The following TRHDE variants were observed in gnomAD, a reference collection of about 807,000 sequenced individuals.
TRHDE encodes thyrotropin releasing hormone degrading enzyme.
Under a neutral mutation model 125.7 loss-of-function variants are expected in TRHDE, and 72 were observed. The observed-to-expected ratio is 0.57, with a 90% confidence interval of 0.47 to 0.70. The LOEUF (loss-of-function observed/expected upper bound fraction) is 0.70. TRHDE is among the 30% of genes least tolerant of loss of function. The pLI is 0.00. For missense variants in TRHDE, 1,110 were observed against 1,327.1 expected (o/e 0.84, Z 2.54); for synonymous variants, 509 against 509.1 (o/e 1.00, Z 0.00).
chr12:72,453,760 G>A (rs1875697969), intron 3 of TRHDE, among the ~76,000 whole-genome samples: 1 of 152,174 alleles, frequency 6.6e-6, no homozygotes. Context: ...TTGGGACACT[G>A]CTTCCTGCAT....
chr12:72,376,599 T>C (rs965329527), intron 2 of TRHDE, among the ~76,000 whole-genome samples: 1 of 152,196 alleles, frequency 6.6e-6, no homozygotes, highest in Non-Finnish European at 1.5e-5. Context: ...TAGAATTTAG[T>C]AAATAACTTA....
chr12:72,472,969 CAGTTATAATAATCAT>C, intron 4 of TRHDE, 83 bp from the exon 5 acceptor site: 3 of 938,236 alleles, frequency 3.2e-6, no homozygotes, highest in African/African-American at 1.7e-5. Flanking sequence ...GAATGAATTC[CAGTTATAATAATCAT>C]AGTTTAATAC....
rs141366738 is a variant in TRHDE, at chr12:72,664,758, A to T, written c.*1563A>T. Reference sequence around the variant, plus strand: ...AAAGAAATATATTCTAACAGTACGCACTGAATAGTGAAAATAATTAGACAT... The same window carrying T: ...AAAGAAATATATTCTAACAGTACGCTCTGAATAGTGAAAATAATTAGACAT... On this transcript the variant is annotated 3_prime_UTR_variant, in exon 19 of 19. Coordinates refer to ENST00000261180, the MANE Select transcript of TRHDE (RefSeq NM_013381.3). 6.6e-6 allele frequency: 1 copy of T among 152,118 alleles called. No individual in the cohort carries two copies. The highest frequency in any genetic ancestry group is 1.5e-5 in the Non-Finnish European group (1 of 67,998). The allele number at this position is 152,118 out of a possible 1,614,324, so 9.4% of individuals were successfully genotyped here.
At chr12:72,299,039 A>G (rs2135683652) in intron 2 of TRHDE, among the ~76,000 whole-genome samples, 1 of 152,304 alleles carries the variant, frequency 6.6e-6, no homozygotes, top group East Asian at 1.9e-4. Flanking sequence ...AGAAGAAATG[A>G]TAAGACAAAA....
At chr12:72,545,403 T>TC (rs1869368960) in intron 7 of TRHDE, among the ~76,000 whole-genome samples, 1 of 151,554 alleles carries the variant, frequency 6.6e-6, no homozygotes, top group African/African-American at 2.4e-5. Context: ...TTATGAAATG[T>TC]TTAAGAGTTG....
intron 1 of TRHDE, among the ~76,000 whole-genome samples, chr12:72,089,260 C>T (rs1377508998): frequency 1.3e-5 from 2 of 152,164 alleles, no homozygotes; most frequent in Non-Finnish European, 2.9e-5. Context: ...GCATTGCCCT[C>T]TCCAGTTTTT....
chr12:72,433,662 A>G (rs1874599579), intron 3 of TRHDE, among the ~76,000 whole-genome samples: 1 of 152,104 alleles, frequency 6.6e-6, no homozygotes, highest in South Asian at 2.1e-4. Flanking sequence ...CCTCTCACAC[A>G]TACAAAAGCT....
At chr12:72,208,899 A>G (rs1423987790) in intron 2 of TRHDE, among the ~76,000 whole-genome samples, 1 of 151,738 alleles carries the variant, frequency 6.6e-6, no homozygotes, top group Non-Finnish European at 1.5e-5. Flanking sequence ...AAAACATCCC[A>G]CTCTTCTTAG....
intron 15 of TRHDE, among the ~76,000 whole-genome samples, chr12:72,633,591 G>A (rs996364900): frequency 6.6e-6 from 1 of 152,092 alleles, no homozygotes; most frequent in Non-Finnish European, 1.5e-5. Flanking sequence ...CATGAAAGGT[G>A]CCTAGCAAAC....
intron 6 of TRHDE, among the ~76,000 whole-genome samples, chr12:72,525,919 G>A (rs540149007): frequency 6.6e-5 from 10 of 152,050 alleles, no homozygotes; most frequent in African/African-American, 2.2e-4. Context: ...TCTGCCTTTC[G>A]TATTTCTGTT....
intron 2 of TRHDE, among the ~76,000 whole-genome samples, chr12:72,122,858 C>T (rs578087446): frequency 1.3e-5 from 2 of 152,046 alleles, no homozygotes; most frequent in Non-Finnish European, 2.9e-5. Context: ...TATTTAAATA[C>T]GTAGTACACA....
At chr12:72,586,923 A>C (rs1871465409) in intron 12 of TRHDE, among the ~76,000 whole-genome samples, 1 of 152,176 alleles carries the variant, frequency 6.6e-6, no homozygotes, top group Admixed American at 6.5e-5. Context: ...TTTTATGTGG[A>C]TGCTAACTTA....
chr12:72,331,276 A>T (rs1449942238), intron 2 of TRHDE, among the ~76,000 whole-genome samples: 1 of 152,208 alleles, frequency 6.6e-6, no homozygotes, highest in South Asian at 2.1e-4. Flanking sequence ...TGTGCTAACC[A>T]CTATCCCATA....
intron 15 of TRHDE, among the ~76,000 whole-genome samples, chr12:72,630,164 CA>C (rs1484213867): frequency 6.6e-6 from 1 of 151,506 alleles, no homozygotes; most frequent in African/African-American, 2.4e-5. Context: ...TAGTGGCCTC[CA>C]AAAGATGCCT....
At chr12:72,558,614 G>A (rs1870031841) in intron 7 of TRHDE, among the ~76,000 whole-genome samples, 1 of 152,176 alleles carries the variant, frequency 6.6e-6, no homozygotes, top group South Asian at 2.1e-4. Flanking sequence ...GAGACTAGAT[G>A]TGAAAGGGAC....
intron 2 of TRHDE, among the ~76,000 whole-genome samples, chr12:72,216,479 C>T (rs996069770): frequency 6.6e-6 from 1 of 152,110 alleles, no homozygotes; most frequent in Non-Finnish European, 1.5e-5. Context: ...TCAGCAGTGC[C>T]TTCATTAGGG....
chr12:72,312,140 C>A (rs1273954537), intron 2 of TRHDE, among the ~76,000 whole-genome samples: 2 of 152,288 alleles, frequency 1.3e-5, no homozygotes, highest in Admixed American at 1.3e-4. Context: ...AGGAGCTTGT[C>A]CAGGGTCACA....
chr12:72,239,093 G>A (rs960696762), intron 2 of TRHDE, among the ~76,000 whole-genome samples: 8 of 152,164 alleles, frequency 5.3e-5, no homozygotes, highest in South Asian at 2.1e-4. Context: ...TCTAACTGGC[G>A]AGAGATGGTA....
intron 2 of TRHDE, among the ~76,000 whole-genome samples, chr12:72,228,060 T>G (rs917943921): frequency 2.0e-5 from 3 of 152,188 alleles, no homozygotes; most frequent in African/African-American, 7.2e-5. Context: ...TGTCAGTGGA[T>G]CTACCATTCT....
Sources: allele counts gnomAD v4.1 joint callset (sites outside exome capture counted in the v4.1 genomes callset), GRCh38; gene constraint gnomAD v4.1.1; transcripts MANE v1.5; gene names NCBI Gene and HGNC (gene_info 2026-07-23, HGNC 2026-07-21).